C10orf90: variants seen among roughly 807,000 people sequenced by gnomAD.
C10orf90 encodes chromosome 10 open reading frame 90.
Under a neutral mutation model 62.5 loss-of-function variants are expected in C10orf90, and 56 were observed. That is an observed-to-expected ratio of 0.90 (90% confidence interval 0.72 to 1.12). C10orf90 has a LOEUF of 1.12. Ranked by LOEUF, C10orf90 falls within the 50% of genes most tolerant of loss-of-function variation. The probability of loss-of-function intolerance (pLI) is 0.00; values close to 1 mark genes in which losing one functional copy is unlikely to be tolerated. For synonymous variants in C10orf90, 386 were observed against 340.4 expected, an observed-to-expected ratio of 1.13 and a Z score of -1.47; for missense variants, 970 against 880.4, an observed-to-expected ratio of 1.10 and a Z score of -1.29.
chr10:126,631,748 A>C (rs972190986), intron 2 of C10orf90, among the ~76,000 whole-genome samples: 1 of 151,904 alleles, frequency 6.6e-6, no homozygotes, highest in Non-Finnish European at 1.5e-5. Flanking sequence ...TTGAACAGTC[A>C]ACAAATGAAA....
At chr10:126,584,825 C>G (rs1438845145) in intron 2 of C10orf90, among the ~76,000 whole-genome samples, 1 of 152,090 alleles carries the variant, frequency 6.6e-6, no homozygotes, top group Non-Finnish European at 1.5e-5. Context: ...ACCTCGATCC[C>G]TGAGTGACAC....
chr10:126,629,200 C>G (rs945505269), intron 2 of C10orf90, among the ~76,000 whole-genome samples: 1 of 152,224 alleles, frequency 6.6e-6, no homozygotes, highest in Admixed American at 6.5e-5. Context: ...TTTACCATCA[C>G]TGACCTCTTC....
intron 2 of C10orf90, among the ~76,000 whole-genome samples, chr10:126,594,952 G>C (rs552867472): frequency 6.6e-6 from 1 of 152,284 alleles, no homozygotes; most frequent in South Asian, 2.1e-4. Flanking sequence ...GAGTCTTAAG[G>C]TGGAAGAGGA....
At chr10:126,573,210 G>A (rs1310008207) in intron 2 of C10orf90, among the ~76,000 whole-genome samples, 2 of 152,116 alleles carry the variant, frequency 1.3e-5, no homozygotes, top group Non-Finnish European at 2.9e-5. Context: ...GAGCAAGCAG[G>A]CGGTACGTGA....
chr10:126,453,548 G>C lies in C10orf90; in HGVS notation c.2188+5492C>G, dbSNP rs74789757. On this transcript the variant is annotated intron_variant, in intron 7 of 9. Coordinates refer to ENST00000488181, the MANE Select transcript of C10orf90 (RefSeq NM_001350921.2). This position sits in a 1 kb window ranked among gnomAD's most constrained non-coding sequence, Gnocchi z 4.9. ...CGAAGGTTAAGGGGACAAACTGAGAGAGCCATGGAAGAGGACCCGGACAGG... is the reference window on the plus strand; with the variant it reads ...CGAAGGTTAAGGGGACAAACTGAGACAGCCATGGAAGAGGACCCGGACAGG... 4.4e-3 allele frequency among the ~76,000 whole-genome samples: 669 copies of C among 152,294 alleles called. 2 individuals carry two copies. Among genetic ancestry groups the C allele is most frequent in the African/African-American group, 0.015 (614 of 41,546 alleles).
intron 4 of C10orf90, among the ~76,000 whole-genome samples, chr10:126,490,050 T>A (rs373541062): frequency 2.1e-5 from 2 of 94,802 alleles, no homozygotes; most frequent in African/African-American, 7.7e-5. Context: ...ATATTATATA[T>A]TATGTTATAT....
intron 4 of C10orf90, among the ~76,000 whole-genome samples, chr10:126,465,914 T>C (rs772880094): frequency 2.6e-5 from 4 of 152,152 alleles, no homozygotes; most frequent in Non-Finnish European, 5.9e-5. Context: ...GCTTTTAGAC[T>C]CAGAAATCTC....
intron 2 of C10orf90, among the ~76,000 whole-genome samples, chr10:126,621,746 A>T (rs111356116): frequency 1.3e-5 from 2 of 152,192 alleles, no homozygotes; most frequent in African/African-American, 4.8e-5. Flanking sequence ...CTCATTCTTG[A>T]TATTAATAAA....
chr10:126,505,593 A>G (rs1862687120), intron 3 of C10orf90, among the ~76,000 whole-genome samples: 1 of 152,000 alleles, frequency 6.6e-6, no homozygotes, highest in Non-Finnish European at 1.5e-5. Context: ...GCCGGTTTAG[A>G]CTCTAATTCA....
chr10:126,440,792 C>G (rs1261992488), intron 7 of C10orf90, among the ~76,000 whole-genome samples: 2 of 152,142 alleles, frequency 1.3e-5, no homozygotes, highest in Admixed American at 6.5e-5. Context: ...AGAGAGATAA[C>G]AATCACTACA....
At chr10:126,603,503 T>C (rs61239978) in intron 2 of C10orf90, among the ~76,000 whole-genome samples, 36 of 152,256 alleles carry the variant, frequency 2.4e-4, no homozygotes, top group Middle Eastern at 3.4e-3. Flanking sequence ...AGCCAAACCA[T>C]ATCATCATGC....
intron 2 of C10orf90, among the ~76,000 whole-genome samples, chr10:126,586,480 G>C (rs1000895815): frequency 6.6e-6 from 1 of 152,190 alleles, no homozygotes; most frequent in Non-Finnish European, 1.5e-5. Flanking sequence ...GTCCATTCAA[G>C]GTTCATGTGG....
intron 4 of C10orf90, among the ~76,000 whole-genome samples, chr10:126,478,453 T>C (rs1046276350): frequency 6.6e-6 from 1 of 152,220 alleles, no homozygotes; most frequent in Admixed American, 6.5e-5. Context: ...GGCCCATAGC[T>C]AAGGCACGAC....
chr10:126,667,931 A>C (rs575888767), intron 1 of C10orf90, among the ~76,000 whole-genome samples: 1 of 152,282 alleles, frequency 6.6e-6, no homozygotes, highest in African/African-American at 2.4e-5. Context: ...AGCACCCCTC[A>C]CCACCACCTG....
At chr10:126,618,460 T>C (rs895551451) in intron 2 of C10orf90, among the ~76,000 whole-genome samples, 1 of 152,196 alleles carries the variant, frequency 6.6e-6, no homozygotes, top group Admixed American at 6.5e-5. Context: ...CAAGAAGTCC[T>C]TCTTTCTGCC....
intron 2 of C10orf90, among the ~76,000 whole-genome samples, chr10:126,517,376 G>A (rs1003811235): frequency 1.3e-5 from 2 of 152,214 alleles, no homozygotes; most frequent in Non-Finnish European, 1.5e-5. Context: ...GGCAGAGGGT[G>A]TGCAGGCCCT....
At chr10:126,643,563 C>T (rs1047673457) in intron 2 of C10orf90, among the ~76,000 whole-genome samples, 4 of 152,276 alleles carry the variant, frequency 2.6e-5, no homozygotes, top group Admixed American at 6.5e-5. Flanking sequence ...GACTGATGGT[C>T]GGGTCAGCAT....
chr10:126,470,199 CT>C, intron 4 of C10orf90: 1 of 389,850 alleles, frequency 2.6e-6, no homozygotes. Flanking sequence ...ATGTTGCATG[CT>C]GCAGAGGAGG....
intron 2 of C10orf90, among the ~76,000 whole-genome samples, chr10:126,593,929 A>T (rs1466869581): frequency 6.6e-6 from 1 of 152,048 alleles, no homozygotes; most frequent in Non-Finnish European, 1.5e-5. Context: ...GGGGCAGGAA[A>T]GACTGAAGAT....
Sources: gnomAD v4.1 joint callset for allele counts (sites outside exome capture counted in the v4.1 genomes callset) on GRCh38, gnomAD v4.1.1 for gene constraint, Gnocchi (gnomAD v3.1) non-coding constraint, MANE v1.5 for transcripts, NCBI Gene and HGNC (gene_info 2026-07-23, HGNC 2026-07-21) for gene names.